Variants in CHODL observed in about 807,000 individuals in gnomAD.
The protein encoded by CHODL is transmembrane protein MT75.
CHODL carries 29 observed loss-of-function variants against 34.5 expected under a neutral mutation model. The ratio of observed to expected loss-of-function variants is 0.84; its 90% CI spans 0.63 to 1.15. CHODL has a LOEUF of 1.15. Among genes scored for constraint, CHODL ranks in the 50% most tolerant of loss-of-function variants. The probability of loss-of-function intolerance (pLI) is 0.00; values close to 1 mark genes in which losing one functional copy is unlikely to be tolerated. For synonymous variants in CHODL, 125 were observed against 116.1 expected (o/e 1.08, Z -0.49); for missense variants, 332 against 332.5 (o/e 1.00, Z 0.01).
chr21:18,023,490 G>A (rs948564014), intron 1 of CHODL, among the ~76,000 whole-genome samples: 16 of 152,002 alleles, frequency 1.1e-4, no homozygotes, highest in African/African-American at 3.4e-4. Context: ...AGGATGTCGC[G>A]AACCCAATCA....
At chr21:18,248,678 ATG>A (rs1180342845) in intron 1 of CHODL, among the ~76,000 whole-genome samples, 1 of 125,778 alleles carries the variant, frequency 8.0e-6, no homozygotes, top group African/African-American at 3.1e-5. Context: ...TAATACATAT[ATG>A]TATATATTAT....
At chr21:17,980,419 A>G (rs1108858) in intron 1 of CHODL, among the ~76,000 whole-genome samples, 33,564 of 152,114 alleles carry the variant, frequency 0.22, 4,542 homozygotes, top group Non-Finnish European at 0.3. Flanking sequence ...TGCATTTCCT[A>G]AATTCCTGCT....
chr21:18,180,770 T>C (rs2073372146), intron 2 of CHODL, among the ~76,000 whole-genome samples: 1 of 152,202 alleles, frequency 6.6e-6, no homozygotes, highest in Admixed American at 6.5e-5. Context: ...GGAGGCCAAA[T>C]ATTGTTTAGG....
intron 1 of CHODL, among the ~76,000 whole-genome samples, chr21:18,005,178 G>A (rs910812378): frequency 2.2e-4 from 33 of 152,302 alleles, no homozygotes; most frequent in African/African-American, 7.9e-4. Context: ...TTCTAACCCT[G>A]GGCTCTGCCA....
chr21:18,243,493 T>C (rs1601191502), upstream of CHODL, among the ~76,000 whole-genome samples: 1 of 152,112 alleles, frequency 6.6e-6, no homozygotes, highest in African/African-American at 2.4e-5. Context: ...TTAAAGGGAA[T>C]ATAAGAAAAA....
chr21:18,052,479 A>G lies in CHODL; in HGVS notation c.-45+24508A>G, dbSNP rs533614878. Among the ~76,000 whole-genome samples the G allele has an allele frequency of 4.7e-4, 72 of 152,084 alleles. No homozygotes were observed. In the South Asian group the frequency reaches 0.014, roughly 29 times the overall value. ...TGGCATCTTCTTTTGTTAAATAACA[A>G]AACATTTTGATAGTTCCTTTGTTAA... On this transcript the variant is annotated intron_variant, in intron 2 of 6. Coordinates refer to the CHODL transcript ENST00000400127.
intron 1 of CHODL, among the ~76,000 whole-genome samples, chr21:18,019,246 A>C (rs1208089192): frequency 1.3e-5 from 2 of 152,168 alleles, no homozygotes; most frequent in Non-Finnish European, 2.9e-5. Context: ...CTTGGATGTT[A>C]CTTGAAATTA....
chr21:18,004,607 G>GCACA (rs1470704487), intron 1 of CHODL, among the ~76,000 whole-genome samples: 3 of 152,174 alleles, frequency 2.0e-5, no homozygotes, highest in Non-Finnish European at 4.4e-5. Context: ...GTTTGCTTCA[G>GCACA]CTCACTCACT....
intron 2 of CHODL, among the ~76,000 whole-genome samples, chr21:18,194,616 A>C (rs557170339): frequency 2.0e-5 from 3 of 152,130 alleles, no homozygotes; most frequent in East Asian, 3.9e-4. Flanking sequence ...AAAAAAAAAA[A>C]AAACTAATGC....
At chr21:18,200,149 A>G (rs1410366797) in intron 2 of CHODL, among the ~76,000 whole-genome samples, 1 of 151,940 alleles carries the variant, frequency 6.6e-6, no homozygotes, top group African/African-American at 2.4e-5. Flanking sequence ...CAGCCATTAG[A>G]GATTTGGGCT....
chr21:18,253,904 G>T (rs2074286349), intron 1 of CHODL, among the ~76,000 whole-genome samples: 1 of 152,132 alleles, frequency 6.6e-6, no homozygotes, highest in African/African-American at 2.4e-5. Flanking sequence ...CTCTTGGCTT[G>T]CTTGCATTGC....
At chr21:18,133,092 AG>A (rs1957565687) in intron 2 of CHODL, among the ~76,000 whole-genome samples, 1 of 152,070 alleles carries the variant, frequency 6.6e-6, no homozygotes, top group Non-Finnish European at 1.5e-5. Flanking sequence ...ATAAAAAAAA[AG>A]ACTTGCTTTG....
chr21:18,108,898 C>G (rs2065311734), intron 2 of CHODL, among the ~76,000 whole-genome samples: 2 of 150,646 alleles, frequency 1.3e-5, no homozygotes, highest in South Asian at 4.2e-4. Flanking sequence ...CTTTCTCGCA[C>G]TATTTTGTAT....
chr21:18,114,829 G>A (rs1214940290), intron 2 of CHODL: 2 of 152,256 alleles, frequency 1.3e-5, no homozygotes, highest in African/African-American at 4.8e-5. Flanking sequence ...AACCCCAGTT[G>A]TTCCAGTCAT....
chr21:18,012,297 C>T (rs1428913277), intron 1 of CHODL, among the ~76,000 whole-genome samples: 1 of 152,174 alleles, frequency 6.6e-6, no homozygotes, highest in Non-Finnish European at 1.5e-5. Flanking sequence ...TAATTGTCCT[C>T]TGTCTTTACT....
intron 2 of CHODL, among the ~76,000 whole-genome samples, chr21:18,030,886 G>T (rs930654070): frequency 4.6e-5 from 7 of 152,132 alleles, no homozygotes; most frequent in African/African-American, 1.7e-4. Flanking sequence ...TCATGTAGCA[G>T]GGTGGCTTTT....
At chr21:17,985,216 C>G (rs2146380562) in intron 1 of CHODL, among the ~76,000 whole-genome samples, 1 of 152,178 alleles carries the variant, frequency 6.6e-6, no homozygotes, top group African/African-American at 2.4e-5. Flanking sequence ...TCTTTTATGT[C>G]CTTTAGTAAA....
chr21:18,162,411 T>TTTTC (rs1555877751), intron 2 of CHODL, among the ~76,000 whole-genome samples: 3 of 147,804 alleles, frequency 2.0e-5, no homozygotes, highest in South Asian at 4.4e-4. Flanking sequence ...ACGTGGTGTT[T>TTTTC]TCTCTCTCTC....
At chr21:18,008,420 T>C (rs1280066001) in intron 1 of CHODL, among the ~76,000 whole-genome samples, 1 of 152,164 alleles carries the variant, frequency 6.6e-6, no homozygotes, top group Admixed American at 6.5e-5. Flanking sequence ...ATACAGTAGA[T>C]CTCTAGAACT....
Sources: allele counts gnomAD v4.1 joint callset (sites outside exome capture counted in the v4.1 genomes callset), GRCh38; gene constraint gnomAD v4.1.1; transcripts MANE v1.5; gene names NCBI Gene and HGNC (gene_info 2026-07-23, HGNC 2026-07-21).